The following MICALL2 variants were observed in gnomAD, a reference collection of about 807,000 sequenced individuals.
MICALL2 encodes the protein MICAL like 2.
MICALL2 carries 111 observed loss-of-function variants against 91.1 expected under a neutral mutation model. The ratio of observed to expected loss-of-function variants is 1.22; its 90% CI spans 1.04 to 1.43. The LOEUF (loss-of-function observed/expected upper bound fraction) is 1.43, where lower values mean the gene tolerates loss of function less well. MICALL2 is among the 40% of genes most tolerant of loss of function. MICALL2 has a pLI of 0.00. For synonymous variants in MICALL2, 694 were observed against 525.3 expected, an observed-to-expected ratio of 1.32 and a Z score of -4.39; for missense variants, 1,556 against 1,236.0, an observed-to-expected ratio of 1.26 and a Z score of -3.88.
chr7:1,439,443 C>T (rs941366778), intron 9 of MICALL2: 3 of 180,868 alleles, frequency 1.7e-5, no homozygotes, highest in Non-Finnish European at 2.1e-5. Flanking sequence ...TACACATGGA[C>T]ACACATGCAT....
At chr7:1,437,753 A>C in intron 13 of MICALL2, 137 bp downstream of exon 13, 1 of 1,208,862 alleles carries the variant, frequency 8.3e-7, no homozygotes. Flanking sequence ...TGGCCCACCC[A>C]GACCGCAACG....
intron 1 of MICALL2, among the ~76,000 whole-genome samples, chr7:1,458,906 G>A (rs933078431): frequency 6.6e-6 from 1 of 152,244 alleles, no homozygotes; most frequent in African/African-American, 2.4e-5. Flanking sequence ...CAGGGACACA[G>A]AGGGGGACTG....
In MICALL2 at chr7:1,438,858, G is replaced by A. The variant is rs777252735; in HGVS notation, c.2104C>T (p.His702Tyr). 31 of 1,607,578 alleles carry A rather than the reference G, an allele frequency of 1.9e-5. No individual in the cohort carries two copies. Among genetic ancestry groups the A allele is most frequent in the Non-Finnish European group, 2.3e-5 (27 of 1,176,702 alleles). ...GGCTGACCTGGTTTGCCCTGAAGGTGAGGTTTCTTCTCCTCCTCCTTCCAG... is the reference window on the plus strand; with the variant it reads ...GGCTGACCTGGTTTGCCCTGAAGGTAAGGTTTCTTCTCCTCCTCCTTCCAG... ...QSWKEEEKKP[H>Y]LQGKPGRPLS... Residue 702 changes from histidine to tyrosine, a missense_variant, in exon 10 of 17, where the codon CAC becomes TAC. Coordinates refer to ENST00000297508, the MANE Select transcript of MICALL2 (RefSeq NM_182924.4).
intron 5 of MICALL2, among the ~76,000 whole-genome samples, chr7:1,445,864 G>A (rs371029968): frequency 6.6e-6 from 1 of 152,012 alleles, no homozygotes; most frequent in Admixed American, 6.5e-5. Flanking sequence ...GAAGTAGGGG[G>A]AACAGCGCTT....
rs1375777957 is a variant in MICALL2, at chr7:1,439,952, G to T, written c.1939C>A (p.Pro647Thr). ...GGGAGGCTGGGTCCTGGGCTGGCTGGGCGTGGGGTCCTGTCAGGCCTCACG... is the reference window on the plus strand; with the variant it reads ...GGGAGGCTGGGTCCTGGGCTGGCTGTGCGTGGGGTCCTGTCAGGCCTCACG... ...TPVRPDRTPR[P>T]ASPGPSLPAR... The change falls in exon 9 of 17, where the codon CCA (proline) becomes ACA (threonine). Residue 647 changes from proline to threonine, a missense_variant. Transcript: ENST00000297508. 1.3e-6 allele frequency: 2 copies of T among 1,497,846 alleles called. No homozygotes were observed. The highest frequency in any genetic ancestry group is 8.8e-7 in the Non-Finnish European group (1 of 1,132,084). The allele number at this position is 1,497,846 out of a possible 1,614,324, so 92.8% of individuals were successfully genotyped here. A position where few individuals can be genotyped will look rare whatever the true frequency, so the allele number is the denominator to read the frequency against.
rs147056642 is a variant in MICALL2, at chr7:1,436,829, C to T, written c.2504G>A (p.Arg835Gln). 9.3e-6 allele frequency: 15 copies of T among 1,604,456 alleles called. No homozygotes were observed. The highest frequency in any genetic ancestry group is 1.3e-5 in the African/African-American group (1 of 74,558). The part of the protein sequence containing the change: ...PEALKSLQER[R>Q]REQELLEQYV... ...CTGCTCCAGCAGCTCCTGCTCCCGCCGCCGCTCCTGCAGTGACTTCAGAGC... is the reference window on the plus strand; with the variant it reads ...CTGCTCCAGCAGCTCCTGCTCCCGCTGCCGCTCCTGCAGTGACTTCAGAGC... Residue 835 changes from arginine (R) to glutamine (Q), a missense_variant, in exon 15 of 17, where the codon CGG (arginine) becomes CAG (glutamine). Coordinates refer to ENST00000297508, the MANE Select transcript of MICALL2 (RefSeq NM_182924.4).
chr7:1,438,804 T>A (rs779914437), intron 10 of MICALL2, 36 bp downstream of exon 10: 8 of 1,569,486 alleles, frequency 5.1e-6, no homozygotes, highest in East Asian at 4.5e-5. Context: ...TCCCTTCACG[T>A]ACACCCCAAA....
intron 9 of MICALL2, 135 bp from the exon 10 acceptor site, chr7:1,439,130 G>A (rs1584201702): frequency 2.8e-6 from 2 of 719,436 alleles, no homozygotes; most frequent in Non-Finnish European, 4.5e-6. Flanking sequence ...CTGGCACAGG[G>A]TTGGCATCAC....
chr7:1,448,672 G>A lies in MICALL2; in HGVS notation c.282C>T (p.Ser94=). The change falls in exon 3 of 17, where the codon AGC becomes AGT. Residue 94 remains serine (S), a synonymous_variant. Coordinates refer to ENST00000297508, the MANE Select transcript of MICALL2 (RefSeq NM_182924.4). The part of the protein sequence containing the change: ...MVALKVPDRL[S]ILTYVSQYYN... ...AATACTGGGACACGTAGGTCAAGAT[G>A]CTCAGCCGGTCAGGCACCTTCAAGG... 6.2e-7 allele frequency: 1 copy of A among 1,612,812 alleles called. No homozygotes were observed. Among genetic ancestry groups the A allele is most frequent in the Non-Finnish European group, 8.5e-7 (1 of 1,179,934 alleles).
In MICALL2 at chr7:1,448,628, CG is replaced by C; in HGVS notation, c.325del (p.Arg109AlafsTer10). On this transcript the variant is annotated frameshift_variant, in exon 3 of 17. Coordinates refer to ENST00000297508, the MANE Select transcript of MICALL2 (RefSeq NM_182924.4). LOFTEE classifies it high-confidence loss of function. ...VSQYYNYFHGRSPIGGMAGVK... is the reference protein window; with the variant it reads ...VSQYYNYFHGXSPIGGMAGVK... Reference sequence around the variant, plus strand: ...GCGCGGCAGGGACTCACTGGGGGAGCGGCCGTGGAAGTAGTTGTAATACTGG... The same window carrying C: ...GCGCGGCAGGGACTCACTGGGGGAGCGCCGTGGAAGTAGTTGTAATACTGG... The C allele has an allele frequency of 6.2e-7, 1 of 1,612,498 alleles. No homozygotes were observed. Among genetic ancestry groups the C allele is most frequent in the African/African-American group, 1.3e-5 (1 of 75,026 alleles).
chr7:1,450,064 C>T (rs1431392215), intron 2 of MICALL2, among the ~76,000 whole-genome samples, 176 bp downstream of exon 2: 1 of 152,192 alleles, frequency 6.6e-6, no homozygotes, highest in Non-Finnish European at 1.5e-5. Flanking sequence ...ATTTCTAGAA[C>T]GCTAGGGTCA....
intron 16 of MICALL2, 30 bp downstream of exon 16, chr7:1,435,071 C>A: frequency 1.2e-6 from 2 of 1,610,494 alleles, no homozygotes; most frequent in South Asian, 1.1e-5. Context: ...AGCCAGCCAG[C>A]CCAGCCCTCA....
intron 15 of MICALL2, among the ~76,000 whole-genome samples, chr7:1,436,370 G>A (rs940545697): frequency 4.3e-5 from 6 of 138,898 alleles, no homozygotes; most frequent in South Asian, 2.2e-4. Context: ...CAACAGGAGG[G>A]AAACTTCGTC....
chr7:1,434,580 A>T lies in MICALL2; in HGVS notation c.*16T>A. The T allele has an allele frequency of 6.2e-7, 1 of 1,603,102 alleles. No homozygotes were observed. Among genetic ancestry groups the T allele is most frequent in the Non-Finnish European group, 8.5e-7 (1 of 1,170,368 alleles). On this transcript the variant is annotated 3_prime_UTR_variant, in exon 17 of 17. Transcript: ENST00000297508. ...CGGATGCCAGGTCCGGGCCGAGCCCACGGCCCTACTGGCTACTACTGGGAG... is the reference window on the plus strand; with the variant it reads ...CGGATGCCAGGTCCGGGCCGAGCCCTCGGCCCTACTGGCTACTACTGGGAG...
chr7:1,445,831 C>G (rs1780548637), intron 5 of MICALL2, among the ~76,000 whole-genome samples: 1 of 152,116 alleles, frequency 6.6e-6, no homozygotes, highest in South Asian at 2.1e-4. Flanking sequence ...CCGGCCCACC[C>G]CAGCCTTGCA....
chr7:1,437,043 G>T, intron 14 of MICALL2, 187 bp from the exon 15 acceptor site: 1 of 510,580 alleles, frequency 2.0e-6, no homozygotes, highest in Admixed American at 3.9e-5. Flanking sequence ...GTCAGAGCCC[G>T]TGTGCTGGGA....
intron 9 of MICALL2, 180 bp downstream of exon 9, chr7:1,439,745 A>C (rs1365564839): frequency 2.1e-6 from 1 of 467,580 alleles, no homozygotes; most frequent in Non-Finnish European, 3.7e-6. Flanking sequence ...GCACACATGC[A>C]TCACACACAT....
chr7:1,440,932 C>G, intron 7 of MICALL2: 1 of 510,056 alleles, frequency 2.0e-6, no homozygotes, highest in East Asian at 3.6e-5. Context: ...ACTTCCCCTT[C>G]TGCCGAATGG....
At chr7:1,434,719 A>G (rs772442690) in intron 16 of MICALL2, 47 bp from the exon 17 acceptor site, 22 of 1,505,306 alleles carry the variant, frequency 1.5e-5, no homozygotes, top group Non-Finnish European at 2.0e-5. Context: ...CCGCAGCCGC[A>G]CAGCCGTGGC....
Sources: gnomAD v4.1 joint callset for allele counts (sites outside exome capture counted in the v4.1 genomes callset) on GRCh38, gnomAD v4.1.1 for gene constraint, MANE v1.5 for transcripts, NCBI Gene and HGNC (gene_info 2026-07-23, HGNC 2026-07-21) for gene names.